The following TMEM132C variants were observed in gnomAD, a reference collection of about 807,000 sequenced individuals.
TMEM132C encodes the protein transmembrane protein 132C, also known as protein phosphatase 1, regulatory subunit 152.
In TMEM132C, 29 loss-of-function variants were observed where a neutral mutation model predicts 61.4. The ratio of observed to expected loss-of-function variants is 0.47; its 90% confidence interval spans 0.35 to 0.64. The LOEUF (loss-of-function observed/expected upper bound fraction) is 0.64. TMEM132C is among the 30% of genes least tolerant of loss of function. The pLI is 0.00. For missense variants in TMEM132C, 1,408 were observed against 1,476.9 expected, an observed-to-expected ratio of 0.95 and a Z score of 0.76; for synonymous variants, 656 against 633.1, an observed-to-expected ratio of 1.04 and a Z score of -0.54.
intron 1 of TMEM132C, among the ~76,000 whole-genome samples, chr12:128,369,878 T>G (rs1253254998): frequency 6.6e-6 from 1 of 152,226 alleles, no homozygotes; most frequent in Non-Finnish European, 1.5e-5. Flanking sequence ...CCCTCATATA[T>G]GAGCCTAAAT....
intron 2 of TMEM132C, among the ~76,000 whole-genome samples, chr12:128,468,655 A>G (rs1217597548): frequency 1.3e-5 from 2 of 152,186 alleles, no homozygotes; most frequent in Non-Finnish European, 2.9e-5. Context: ...CAAACAAAAA[A>G]TCTCTGACTG....
chr12:128,337,009 A>T (rs1872807065), intron 1 of TMEM132C, among the ~76,000 whole-genome samples: 1 of 152,186 alleles, frequency 6.6e-6, no homozygotes, highest in South Asian at 2.1e-4. Context: ...TGGCATGACA[A>T]ACTTAAGTCT....
In TMEM132C at chr12:128,501,105, T is replaced by C. The variant is rs191185932; in HGVS notation, c.975-42852T>C. 4.5e-4 allele frequency among the ~76,000 whole-genome samples: 69 copies of C among 152,296 alleles called. 1 individual carries two copies. The East Asian group carries it at 0.012, about 26-fold the overall frequency. ...ACAGAAGACGAAATATTGTATGACTTCTCACCTTCCCTTTGCATACCTTCA... is the reference window on the plus strand; with the variant it reads ...ACAGAAGACGAAATATTGTATGACTCCTCACCTTCCCTTTGCATACCTTCA... On this transcript the variant is annotated intron_variant, in intron 2 of 8. Coordinates refer to ENST00000435159, the MANE Select transcript of TMEM132C (RefSeq NM_001136103.3).
chr12:128,489,057 ATAAT>A (rs1266307946), intron 2 of TMEM132C, among the ~76,000 whole-genome samples: 5 of 152,156 alleles, frequency 3.3e-5, no homozygotes, highest in Non-Finnish European at 7.4e-5. Context: ...CCCAGATCAC[ATAAT>A]TAAAGACCAA....
intron 4 of TMEM132C, among the ~76,000 whole-genome samples, chr12:128,634,126 T>C (rs528476191): frequency 6.6e-6 from 1 of 152,308 alleles, no homozygotes; most frequent in African/African-American, 2.4e-5. Context: ...CAGGCTGGAG[T>C]GCAGTGGCGT....
intron 3 of TMEM132C, among the ~76,000 whole-genome samples, chr12:128,597,365 C>T (rs531428503): frequency 1.6e-4 from 25 of 152,084 alleles, no homozygotes; most frequent in Admixed American, 2.6e-4. Flanking sequence ...GTGATCCCAG[C>T]GACTTGGGAG....
At chr12:128,513,994 G>A (rs1341573229) in intron 2 of TMEM132C, among the ~76,000 whole-genome samples, 1 of 152,190 alleles carries the variant, frequency 6.6e-6, no homozygotes, top group African/African-American at 2.4e-5. Context: ...GTCTGAGTTA[G>A]CTTTGCCATT....
intron 4 of TMEM132C, among the ~76,000 whole-genome samples, chr12:128,631,221 A>G (rs1263461698): frequency 1.3e-5 from 2 of 152,242 alleles, no homozygotes; most frequent in Admixed American, 1.3e-4. Flanking sequence ...ACATGCGGTC[A>G]TTGAACACTT....
intron 1 of TMEM132C, among the ~76,000 whole-genome samples, chr12:128,413,298 C>CAAAA (rs56026776): frequency 0.29 from 17,313 of 59,642 alleles, 4,343 homozygotes; most frequent in Middle Eastern, 0.35. Flanking sequence ...GACTCTGTCT[C>CAAAA]AAAAAAAAAA....
intron 3 of TMEM132C, among the ~76,000 whole-genome samples, chr12:128,574,860 T>C (rs141564534): frequency 9.9e-4 from 151 of 152,338 alleles, no homozygotes; most frequent in African/African-American, 3.4e-3. Context: ...TCCTCATTAC[T>C]TTAGGTCCAG....
intron 4 of TMEM132C, among the ~76,000 whole-genome samples, chr12:128,641,655 A>G (rs867260825): frequency 1.3e-5 from 2 of 152,168 alleles, no homozygotes; most frequent in Non-Finnish European, 2.9e-5. Flanking sequence ...TGACCCCACC[A>G]ACACCTTGAT....
intron 2 of TMEM132C, among the ~76,000 whole-genome samples, chr12:128,524,891 C>T (rs1370689872): frequency 2.6e-5 from 4 of 152,174 alleles, no homozygotes. Flanking sequence ...CCCTGCTTTG[C>T]CCAGGGTGCT....
intron 3 of TMEM132C, among the ~76,000 whole-genome samples, chr12:128,560,130 C>T (rs1351590747): frequency 6.6e-6 from 1 of 152,134 alleles, no homozygotes; most frequent in African/African-American, 2.4e-5. Context: ...GCCTGTAGTC[C>T]CAGCTAGTGG....
intron 5 of TMEM132C, among the ~76,000 whole-genome samples, chr12:128,677,700 G>T (rs112453628): frequency 1.1e-4 from 17 of 152,316 alleles, no homozygotes; most frequent in African/African-American, 3.8e-4. Flanking sequence ...CAGGACTCCT[G>T]CAGCCATGGG....
chr12:128,423,944 T>G lies in TMEM132C; in HGVS notation c.974+8324T>G, dbSNP rs542055971. Reference sequence around the variant, plus strand: ...ACCTGTAGTCCCAGCTACTTGGGGGTGCTGAGGCAGGAGAATGGCATGAAC... The same window carrying G: ...ACCTGTAGTCCCAGCTACTTGGGGGGGCTGAGGCAGGAGAATGGCATGAAC... On this transcript the variant is annotated intron_variant, in intron 2 of 8. Coordinates refer to ENST00000435159, the MANE Select transcript of TMEM132C (RefSeq NM_001136103.3). Among the ~76,000 whole-genome samples the G allele has an allele frequency of 1.1e-4, 16 of 143,048 alleles. No homozygotes were observed. In the East Asian group the frequency reaches 2.0e-3, roughly 17 times the overall value. 93.8% of individuals were successfully genotyped at this position (143,048 alleles called of 152,430 possible).
intron 3 of TMEM132C, among the ~76,000 whole-genome samples, chr12:128,548,600 A>C (rs1398196336): frequency 6.6e-6 from 1 of 152,210 alleles, no homozygotes; most frequent in African/African-American, 2.4e-5. Context: ...CCTTTGACTT[A>C]TAAGGTAACA....
At chr12:128,535,809 A>G (rs1452612837) in intron 2 of TMEM132C, among the ~76,000 whole-genome samples, 1 of 152,058 alleles carries the variant, frequency 6.6e-6, no homozygotes, top group Non-Finnish European at 1.5e-5. Flanking sequence ...CAGAGCTTGC[A>G]GTGAACCGAG....
At chr12:128,383,762 A>G (rs1230046684) in intron 1 of TMEM132C, among the ~76,000 whole-genome samples, 2 of 152,182 alleles carry the variant, frequency 1.3e-5, no homozygotes, top group African/African-American at 4.8e-5. Context: ...AAGGAATCAG[A>G]AGCCCAGGGA....
chr12:128,554,022 A>G (rs1291237502), intron 3 of TMEM132C, among the ~76,000 whole-genome samples: 1 of 152,230 alleles, frequency 6.6e-6, no homozygotes, highest in Non-Finnish European at 1.5e-5. Context: ...AACTTCTAAA[A>G]GAATCTAAAA....
Sources: allele counts gnomAD v4.1 joint callset (sites outside exome capture counted in the v4.1 genomes callset), GRCh38; gene constraint gnomAD v4.1.1; transcripts MANE v1.5; gene names NCBI Gene and HGNC (gene_info 2026-07-23, HGNC 2026-07-21).